TULP4: variants seen among roughly 807,000 people sequenced by gnomAD.
TULP4 encodes the protein TUB like protein 4.
Under a neutral mutation model 129.0 loss-of-function variants are expected in TULP4, and 16 were observed. The ratio of observed to expected loss-of-function variants is 0.12; its 90% CI spans 0.08 to 0.19. The LOEUF (loss-of-function observed/expected upper bound fraction) is 0.19, where lower values mean the gene tolerates loss of function less well. Among genes scored for constraint, TULP4 ranks in the 10% least tolerant of loss-of-function variants. The probability of loss-of-function intolerance (pLI) is 1.00; values close to 1 mark genes in which losing one functional copy is unlikely to be tolerated. For synonymous variants in TULP4, 998 were observed against 854.0 expected (o/e 1.17, Z -2.94); for missense variants, 1,842 against 2,059.1 (o/e 0.89, Z 2.04).
intron 1 of TULP4, among the ~76,000 whole-genome samples, chr6:158,393,166 T>C (rs969270417): frequency 1.3e-5 from 2 of 152,062 alleles, no homozygotes; most frequent in Non-Finnish European, 2.9e-5. Flanking sequence ...CAAAATAATC[T>C]CCTTTGACTC....
chr6:158,235,823 C>CT (rs1480453665), intron 1 of TULP4, among the ~76,000 whole-genome samples: 1 of 152,134 alleles, frequency 6.6e-6, no homozygotes, highest in African/African-American at 2.4e-5. Context: ...ATCAGGAACT[C>CT]TGATTAGAAG....
chr6:158,452,222 C>A lies in TULP4; in HGVS notation c.813C>A (p.Asn271Lys). ...CCTCGGGAGACATCAGCTTAATGAA[C>A]AACTACGATGACTTGTCTCCCACGG... Reference protein sequence around the residue: ...SFTSGDISLMNNYDDLSPTVI... With the variant: ...SFTSGDISLMKNYDDLSPTVI... The change falls in exon 5 of 14, where the codon AAC becomes AAA. Residue 271 changes from asparagine to lysine, a missense_variant. Physicochemically the swap from Asn to Lys is moderately conservative, Grantham distance 94. Around this residue, in one of 5 missense-constraint regions of TULP4, gnomAD observed 456 missense variants for 534.3 expected, o/e 0.85. Transcript: ENST00000367097. 1 of 1,614,218 alleles carries A rather than the reference C, an allele frequency of 6.2e-7. No homozygotes were observed. The highest frequency in any genetic ancestry group is 8.5e-7 in the Non-Finnish European group (1 of 1,180,042).
intron 1 of TULP4, among the ~76,000 whole-genome samples, chr6:158,406,121 G>A (rs960557310): frequency 2.6e-5 from 4 of 152,060 alleles, no homozygotes; most frequent in Admixed American, 1.3e-4. Flanking sequence ...AGTGATTGAC[G>A]GCCACAGGTG....
upstream of TULP4, among the ~76,000 whole-genome samples, chr6:158,308,485 T>G (rs1191547926): frequency 1.3e-5 from 2 of 152,088 alleles, no homozygotes; most frequent in Non-Finnish European, 2.9e-5. Flanking sequence ...ACCGCCATTG[T>G]CATCATGGCC....
intron 3 of TULP4, among the ~76,000 whole-genome samples, chr6:158,442,739 A>G (rs1254572667): frequency 2.6e-5 from 4 of 152,008 alleles, no homozygotes; most frequent in South Asian, 4.2e-4. Context: ...CCCTCCTTCT[A>G]TCCCCAAGCT....
In TULP4 at chr6:158,431,035, G is replaced by A. The variant is rs182079999; in HGVS notation, c.543+1138G>A. On this transcript the variant is annotated intron_variant, in intron 3 of 13. Transcript: ENST00000367097. ...TCTCTTCTCAAAATTGGTATTATGA[G>A]ATTTATGAAAAGGTATTTTCAGCTC... 5.9e-5 allele frequency among the ~76,000 whole-genome samples: 9 copies of A among 152,092 alleles called. No homozygotes were observed. In the East Asian group the frequency reaches 1.7e-3, roughly 29 times the overall value.
chr6:158,288,587 G>A (rs1166311815), intron 1 of TULP4, among the ~76,000 whole-genome samples: 6 of 151,440 alleles, frequency 4.0e-5, no homozygotes, highest in East Asian at 1.9e-4. Context: ...TGCAAGCTCC[G>A]CCTCCCGGGT....
intron 1 of TULP4, among the ~76,000 whole-genome samples, chr6:158,400,547 A>AGATGGTCT (rs1201463104): frequency 6.6e-6 from 1 of 152,118 alleles, no homozygotes; most frequent in Non-Finnish European, 1.5e-5. Flanking sequence ...ATGTCTTGTC[A>AGATGGTCT]GATCTGATCA....
At chr6:158,427,518 G>A (rs577710302) in intron 2 of TULP4, among the ~76,000 whole-genome samples, 76 of 73,534 alleles carry the variant, frequency 1.0e-3, no homozygotes, top group African/African-American at 4.6e-3. Context: ...TTTTTGAGAC[G>A]GAGTCTCGCT....
intron 1 of TULP4, among the ~76,000 whole-genome samples, chr6:158,363,994 AT>A (rs1780860722): frequency 1.3e-5 from 2 of 152,138 alleles, no homozygotes; most frequent in African/African-American, 4.8e-5. Flanking sequence ...TTCAAAATAA[AT>A]TAAAAAAACC....
At chr6:158,316,006 T>C (rs1779483680) in intron 1 of TULP4, among the ~76,000 whole-genome samples, 1 of 152,232 alleles carries the variant, frequency 6.6e-6, no homozygotes, top group Admixed American at 6.5e-5. Flanking sequence ...AAGTAACTCA[T>C]ATTCTGACTT....
chr6:158,389,974 G>C (rs1199194797), intron 1 of TULP4, among the ~76,000 whole-genome samples: 1 of 152,026 alleles, frequency 6.6e-6, no homozygotes, highest in Non-Finnish European at 1.5e-5. Flanking sequence ...AGCCGGGTGT[G>C]GGTTCAAGTG....
intron 2 of TULP4, among the ~76,000 whole-genome samples, chr6:158,421,363 A>C (rs78142664): frequency 2.3e-5 from 1 of 42,838 alleles, no homozygotes; most frequent in African/African-American, 2.5e-4. Context: ...CTCCGTCTCA[A>C]AAAAAAAAAA....
At chr6:158,325,183 T>C (rs908739809) in intron 1 of TULP4, among the ~76,000 whole-genome samples, 3 of 152,146 alleles carry the variant, frequency 2.0e-5, no homozygotes, top group African/African-American at 7.2e-5. Context: ...TTTTCACCAA[T>C]GTGGATAACT....
intron 1 of TULP4, among the ~76,000 whole-genome samples, chr6:158,255,275 C>T (rs967606498): frequency 6.6e-6 from 1 of 152,136 alleles, no homozygotes; most frequent in African/African-American, 2.4e-5. Flanking sequence ...CCGGCAGACC[C>T]TGTCGAGTGC....
upstream of TULP4, among the ~76,000 whole-genome samples, chr6:158,309,922 G>A (rs1779311399): frequency 7.2e-6 from 1 of 138,678 alleles, no homozygotes. Flanking sequence ...GAGAGGGGGA[G>A]GGGGAGGGGG....
intron 1 of TULP4, among the ~76,000 whole-genome samples, chr6:158,387,870 T>C (rs777314332): frequency 6.6e-6 from 1 of 152,232 alleles, no homozygotes; most frequent in Non-Finnish European, 1.5e-5. Context: ...TCTAATTTTT[T>C]ACATTTCCTC....
At chr6:158,375,498 G>A (rs920240579) in intron 1 of TULP4, among the ~76,000 whole-genome samples, 2 of 152,168 alleles carry the variant, frequency 1.3e-5, no homozygotes, top group African/African-American at 2.4e-5. Context: ...TGAGAAGGGT[G>A]TGCAAGGTGC....
At chr6:158,415,117 G>A (rs929483770) in intron 2 of TULP4, among the ~76,000 whole-genome samples, 7 of 152,132 alleles carry the variant, frequency 4.6e-5, no homozygotes, top group Admixed American at 1.3e-4. Context: ...CATATACGAC[G>A]GTGATCTCAT....
Sources: gnomAD v4.1 joint callset for allele counts (sites outside exome capture counted in the v4.1 genomes callset) on GRCh38, gnomAD v4.1.1 for gene constraint, gnomAD v4.1.1 regional missense constraint, MANE v1.5 for transcripts, NCBI Gene and HGNC (gene_info 2026-07-23, HGNC 2026-07-21) for gene names.